Variants in KCNK12 observed in about 807,000 individuals in gnomAD.
The protein encoded by KCNK12 is potassium two pore domain channel subfamily K member 12.
KCNK12 carries 6 observed loss-of-function variants against 25.3 expected under a neutral mutation model. The observed-to-expected ratio is 0.24, with a 90% confidence interval of 0.13 to 0.47. The LOEUF is 0.47. Among genes scored for constraint, KCNK12 ranks in the 20% least tolerant of loss-of-function variants. KCNK12 has a pLI of 0.99. For synonymous variants in KCNK12, 331 were observed against 311.1 expected, an observed-to-expected ratio of 1.06 and a Z score of -0.67; for missense variants, 444 against 661.7, an observed-to-expected ratio of 0.67 and a Z score of 3.61.
rs1669185690 is a variant in KCNK12, at chr2:47,540,970, C to A, written c.392-19162G>T. On this transcript the variant is annotated intron_variant, in intron 1 of 1. Coordinates refer to ENST00000327876, the MANE Select transcript of KCNK12 (RefSeq NM_022055.2). The surrounding 1 kb of genome is among the most constrained non-coding windows in gnomAD (Gnocchi z 5.4). ...CTCTACATAAATCAGTAAGATCCAT[C>A]TGTGCAATTCCTTCCTCCTAGAATT... 6.6e-6 allele frequency among the ~76,000 whole-genome samples: 1 copy of A among 152,170 alleles called. No homozygotes were observed. The highest frequency in any genetic ancestry group is 2.1e-4 in the South Asian group (1 of 4,830).
rs1014137962 is a variant in KCNK12, at chr2:47,560,516, C to T, written c.391+9425G>A. ...CCAGGCTGGGCTATGGTTCTTCCCC[C>T]TCTGTGGAACTGCACAATTCAGAGA... On this transcript the variant is annotated intron_variant, in intron 1 of 1. Coordinates refer to ENST00000327876, the MANE Select transcript of KCNK12 (RefSeq NM_022055.2). This position sits in a 1 kb window ranked among gnomAD's most constrained non-coding sequence, Gnocchi z 4.7. Among the ~76,000 whole-genome samples the T allele has an allele frequency of 6.6e-6, 1 of 152,216 alleles. No homozygotes were observed. Among genetic ancestry groups the T allele is most frequent in the South Asian group, 2.1e-4 (1 of 4,826 alleles).
chr2:47,557,237 T>G lies in KCNK12; in HGVS notation c.391+12704A>C, dbSNP rs1669568706. Among the ~76,000 whole-genome samples, 1 of 152,166 alleles carries G rather than the reference T, an allele frequency of 6.6e-6. No individual in the cohort carries two copies. The highest frequency in any genetic ancestry group is 2.4e-5 in the African/African-American group (1 of 41,440). ...TGTGGGTTCTGTTCTCATGAATGGA[T>G]TAATGTCATCATCACTGGAGTGGGT... On this transcript the variant is annotated intron_variant, in intron 1 of 1. Transcript: ENST00000327876. This position sits in a 1 kb window ranked among gnomAD's most constrained non-coding sequence, Gnocchi z 4.9.
chr2:47,563,218 T>C (rs1430974609), intron 1 of KCNK12: 1 of 233,454 alleles, frequency 4.3e-6, no homozygotes, highest in Non-Finnish European at 8.5e-6. Context: ...GCCTGCCTTC[T>C]GCTCCTCAGA....
At chr2:47,550,929 T>A (rs974753713) in intron 1 of KCNK12, among the ~76,000 whole-genome samples, 1 of 152,158 alleles carries the variant, frequency 6.6e-6, no homozygotes. Context: ...CCCGTACAGT[T>A]TTTTTTGAAC....
chr2:47,544,578 C>T (rs1375583387), intron 1 of KCNK12, among the ~76,000 whole-genome samples: 1 of 152,202 alleles, frequency 6.6e-6, no homozygotes, highest in East Asian at 1.9e-4. Context: ...TTTTAAGCGC[C>T]CTTTTCTGGC....
intron 1 of KCNK12, among the ~76,000 whole-genome samples, chr2:47,537,085 C>A (rs1449375857): frequency 6.6e-6 from 1 of 152,218 alleles, no homozygotes; most frequent in Non-Finnish European, 1.5e-5. Context: ...CATGGCAGAT[C>A]CTCCCAGCCC....
At chr2:47,535,897 T>C (rs146187260) in intron 1 of KCNK12, among the ~76,000 whole-genome samples, 1 of 152,292 alleles carries the variant, frequency 6.6e-6, no homozygotes, top group African/African-American at 2.4e-5. Flanking sequence ...AGATGGAAGC[T>C]GAGGTTCAGA....
intron 1 of KCNK12, among the ~76,000 whole-genome samples, chr2:47,561,860 G>A (rs1026783723): frequency 1.3e-5 from 2 of 152,234 alleles, no homozygotes; most frequent in East Asian, 1.9e-4. Context: ...GTTTAGAGTC[G>A]ACACTAAACT....
chr2:47,521,781 A>G lies in KCNK12; in HGVS notation c.419T>C (p.Val140Ala), dbSNP rs1668661048. 2.0e-6 allele frequency: 3 copies of G among 1,491,154 alleles called. No homozygotes were observed. In the East Asian group the frequency reaches 7.5e-5, roughly 37 times the overall value. 92.4% of individuals were successfully genotyped at this position (1,491,154 alleles called of 1,614,324 possible). ...IGFGMTTPATVGGKAFLIAYG... is the reference protein window; with the variant it reads ...IGFGMTTPATAGGKAFLIAYG... ...GGCGATGAGGAAGGCCTTCCCGCCC[A>G]CCGTCGCGGGGGTGGTCATGCCGAA... Residue 140 changes from valine to alanine, a missense_variant, in exon 2 of 2, where the codon GTG becomes GCG. Physicochemically the swap from Val to Ala is moderately conservative, Grantham distance 64. Around this residue, in one of 8 missense-constraint regions of KCNK12, gnomAD observed 44 missense variants for 100.7 expected, o/e 0.44. Transcript: ENST00000327876.
In KCNK12 at chr2:47,515,965, G is replaced by C. The variant is rs1446333837; in HGVS notation, c.*4942C>G. Among the ~76,000 whole-genome samples, 1 of 152,186 alleles carries C rather than the reference G, an allele frequency of 6.6e-6. No homozygotes were observed. Among genetic ancestry groups the C allele is most frequent in the Non-Finnish European group, 1.5e-5 (1 of 68,028 alleles). ...CTTATAATTGTGACATCTTGCAATT[G>C]TGGAGGACTTTACACTTTTCGGAGT... is the stretch of plus-strand genomic sequence containing the variant. On this transcript the variant is annotated 3_prime_UTR_variant, in exon 2 of 2. Coordinates refer to ENST00000327876, the MANE Select transcript of KCNK12 (RefSeq NM_022055.2).
intron 1 of KCNK12, among the ~76,000 whole-genome samples, chr2:47,542,886 A>G (rs1669230883): frequency 6.6e-6 from 1 of 152,226 alleles, no homozygotes; most frequent in African/African-American, 2.4e-5. Flanking sequence ...ACTTGGGTCA[A>G]TTCACACATT....
intron 1 of KCNK12, among the ~76,000 whole-genome samples, 200 bp from the exon 2 acceptor site, chr2:47,522,008 C>T (rs1668668231): frequency 6.6e-6 from 1 of 152,194 alleles, no homozygotes; most frequent in Non-Finnish European, 1.5e-5. Flanking sequence ...ATCTTGGCAG[C>T]CCCTAAACTG....
chr2:47,513,693 C>G lies in KCNK12; in HGVS notation c.*7214G>C, dbSNP rs1668457800. 6.6e-6 allele frequency among the ~76,000 whole-genome samples: 1 copy of G among 152,172 alleles called. No homozygotes were observed. The highest frequency in any genetic ancestry group is 2.4e-5 in the African/African-American group (1 of 41,440). ...AACTTCTCCTTCATTGAACTCATCA[C>G]CTCTTCTGTTCCTCCTCCTGGGTTC... On this transcript the variant is annotated 3_prime_UTR_variant, in exon 2 of 2. Transcript: ENST00000327876.
chr2:47,544,482 C>T (rs1028724879), intron 1 of KCNK12, among the ~76,000 whole-genome samples: 5 of 152,256 alleles, frequency 3.3e-5, no homozygotes, highest in South Asian at 2.1e-4. Flanking sequence ...CACCATTGTT[C>T]GCAGCGTTCC....
In KCNK12 at chr2:47,509,833, C is replaced by A. The variant is rs549126471; in HGVS notation, c.*11074G>T. 1.9e-4 allele frequency among the ~76,000 whole-genome samples: 29 copies of A among 152,340 alleles called. No individual in the cohort carries two copies. Among genetic ancestry groups the A allele is most frequent in the African/African-American group, 3.4e-4 (14 of 41,572 alleles). On this transcript the variant is annotated 3_prime_UTR_variant, in exon 2 of 2. Transcript: ENST00000327876. Reference sequence around the variant, plus strand: ...GTGTAAGGCCAGGGGACTTCCCCCCCACTCCCCAACCTGAGGCATGCACCC... The same window carrying A: ...GTGTAAGGCCAGGGGACTTCCCCCCAACTCCCCAACCTGAGGCATGCACCC...
At chr2:47,549,635 C>T (rs867604227) in intron 1 of KCNK12, among the ~76,000 whole-genome samples, 3 of 151,908 alleles carry the variant, frequency 2.0e-5, no homozygotes, top group Non-Finnish European at 4.4e-5. Context: ...TAGAATATCT[C>T]GAGATGAAAA....
At position 47,511,596 on chromosome 2, in the gene KCNK12, G is replaced by A. The variant is rs1435939765; in HGVS notation, c.*9311C>T. On this transcript the variant is annotated 3_prime_UTR_variant, in exon 2 of 2. Coordinates refer to ENST00000327876, the MANE Select transcript of KCNK12 (RefSeq NM_022055.2). This position sits in a 1 kb window ranked among gnomAD's most constrained non-coding sequence, Gnocchi z 4.3. The stretch of plus-strand genomic sequence containing the variant: ...ACCAAATGCTTTTGCCCTGGGGGTG[G>A]GAGAGGGATGGGTGCACGGTGAACA... Among the ~76,000 whole-genome samples, 2 of 152,212 alleles carry A rather than the reference G, an allele frequency of 1.3e-5. No homozygotes were observed. The highest frequency in any genetic ancestry group is 1.9e-4 in the East Asian group (1 of 5,198).
At position 47,521,446 on chromosome 2, in the gene KCNK12, C is replaced by A; in HGVS notation, c.754G>T (p.Val252Phe). 2 of 1,613,154 alleles carry A rather than the reference C, an allele frequency of 1.2e-6. No homozygotes were observed. Among genetic ancestry groups the A allele is most frequent in the Non-Finnish European group, 1.7e-6 (2 of 1,179,686 alleles). Residue 252 changes from valine to phenylalanine, a missense_variant, in exon 2 of 2, where the codon GTC becomes TTC. Around this residue, in one of 8 missense-constraint regions of KCNK12, gnomAD observed 56 missense variants for 135.7 expected, o/e 0.41. Coordinates refer to ENST00000327876, the MANE Select transcript of KCNK12 (RefSeq NM_022055.2). The stretch of plus-strand genomic sequence containing the variant: ...CCGAAGCCGATGGTGCTGAAGGTGA[C>A]GAAGCAGAAGTAGAGCGAGTCCACG... ...DYVDSLYFCF[V>F]TFSTIGFGDL...
chr2:47,521,165 C>T lies in KCNK12; in HGVS notation c.1035G>A (p.Leu345=). 4 of 1,294,268 alleles carry T rather than the reference C, an allele frequency of 3.1e-6. No individual in the cohort carries two copies. Among genetic ancestry groups the T allele is most frequent in the Non-Finnish European group, 3.9e-6 (4 of 1,024,482 alleles). 80.2% of individuals were successfully genotyped at this position (1,294,268 alleles called of 1,614,324 possible). The part of the protein sequence containing the change: ...ITPGSRLRRR[L]AALGADPAAR... ...CCGCGGGGTCGGCACCGAGCGCGGCCAGGCGGCGGCGCAGCCGGGAGCCTG... is the reference window on the plus strand; with the variant it reads ...CCGCGGGGTCGGCACCGAGCGCGGCTAGGCGGCGGCGCAGCCGGGAGCCTG... Residue 345 remains leucine (L), a synonymous_variant, in exon 2 of 2, where the codon CTG becomes CTA. Transcript: ENST00000327876.
Sources: gnomAD v4.1 joint callset for allele counts (sites outside exome capture counted in the v4.1 genomes callset) on GRCh38, gnomAD v4.1.1 for gene constraint, gnomAD v4.1.1 regional missense constraint, Gnocchi (gnomAD v3.1) non-coding constraint, MANE v1.5 for transcripts, NCBI Gene and HGNC (gene_info 2026-07-23, HGNC 2026-07-21) for gene names.